ITK: variants seen among roughly 807,000 people sequenced by gnomAD.
ITK encodes the protein IL2 inducible T cell kinase.
A neutral mutation model predicts 87.6 loss-of-function variants in ITK; 45 were observed. That is an observed-to-expected ratio of 0.51 (90% CI 0.40 to 0.66). The LOEUF (loss-of-function observed/expected upper bound fraction) is 0.66. ITK is among the 30% of genes least tolerant of loss of function. The probability of loss-of-function intolerance (pLI) is 0.00; values close to 1 mark genes in which losing one functional copy is unlikely to be tolerated. For missense variants in ITK, 605 were observed against 766.3 expected, an observed-to-expected ratio of 0.79 and a Z score of 2.48; for synonymous variants, 303 against 273.6, an observed-to-expected ratio of 1.11 and a Z score of -1.06.
intron 8 of ITK, among the ~76,000 whole-genome samples, chr5:157,235,773 T>A (rs982371189): frequency 1.3e-5 from 2 of 152,234 alleles, no homozygotes; most frequent in Non-Finnish European, 2.9e-5. Context: ...CTGTTCACAA[T>A]AACTTACCCT....
intron 15 of ITK, 42 bp downstream of exon 15, chr5:157,246,041 T>C: frequency 7.6e-7 from 1 of 1,317,074 alleles, no homozygotes; most frequent in African/African-American, 1.4e-5. Flanking sequence ...GATCTGGGCT[T>C]CAGGCCAGCT....
intron 1 of ITK, 111 bp downstream of exon 1, chr5:157,181,226 C>A: frequency 1.8e-6 from 2 of 1,118,286 alleles, no homozygotes; most frequent in Non-Finnish European, 2.7e-6. Context: ...CACAAACATG[C>A]TTATTGTAAC....
At chr5:157,186,975 C>A (rs1005223411) in intron 1 of ITK, among the ~76,000 whole-genome samples, 6 of 152,216 alleles carry the variant, frequency 3.9e-5, no homozygotes, top group African/African-American at 1.4e-4. Flanking sequence ...ATTGCCCTAA[C>A]GATGGACACC....
chr5:157,188,831 T>C (rs954670805), intron 1 of ITK, among the ~76,000 whole-genome samples: 2 of 152,228 alleles, frequency 1.3e-5, no homozygotes, highest in Non-Finnish European at 2.9e-5. Context: ...CCTTAGTATC[T>C]GCATTTATTT....
At chr5:157,251,507 A>C (rs751609307) in intron 16 of ITK, among the ~76,000 whole-genome samples, 1 of 152,238 alleles carries the variant, frequency 6.6e-6, no homozygotes, top group Non-Finnish European at 1.5e-5. Flanking sequence ...TATTTTAACA[A>C]AGCTCAACAT....
At chr5:157,219,719 C>G (rs1429636723) in intron 5 of ITK, among the ~76,000 whole-genome samples, 1 of 152,204 alleles carries the variant, frequency 6.6e-6, no homozygotes, top group Non-Finnish European at 1.5e-5. Context: ...GACTATTTCA[C>G]CATCCCCTTT....
chr5:157,238,387 G>C (rs2113771221), intron 9 of ITK, among the ~76,000 whole-genome samples, 196 bp downstream of exon 9: 1 of 152,332 alleles, frequency 6.6e-6, no homozygotes. Context: ...AAGTGACAGA[G>C]CTGGGAGTGG....
chr5:157,222,604 A>T, intron 5 of ITK: 1 of 514,754 alleles, frequency 1.9e-6, no homozygotes, highest in South Asian at 2.0e-5. Context: ...AACATAGTGC[A>T]GATAGAGAAA....
chr5:157,189,244 T>C (rs148263806), intron 1 of ITK, among the ~76,000 whole-genome samples: 1 of 152,328 alleles, frequency 6.6e-6, no homozygotes, highest in Non-Finnish European at 1.5e-5. Flanking sequence ...TATTTTCTTT[T>C]CTCACAATAA....
intron 3 of ITK, among the ~76,000 whole-genome samples, chr5:157,212,650 C>A (rs183619061): frequency 8.0e-4 from 122 of 152,246 alleles, no homozygotes; most frequent in African/African-American, 2.7e-3. Flanking sequence ...CATGCCACTG[C>A]ACTTCAGCCT....
intron 3 of ITK, chr5:157,213,721 AC>A (rs1318078745): frequency 2.0e-5 from 7 of 341,928 alleles, no homozygotes; most frequent in South Asian, 1.6e-4. Context: ...TCAGTAGCAG[AC>A]CCCCCTTTTT....
intron 1 of ITK, among the ~76,000 whole-genome samples, chr5:157,197,221 G>A (rs976533035): frequency 6.6e-6 from 1 of 152,194 alleles, no homozygotes; most frequent in Non-Finnish European, 1.5e-5. Context: ...GAGAGAGACT[G>A]TCATGTACTT....
chr5:157,252,612 AG>A lies in ITK; in HGVS notation c.1798del (p.Glu600LysfsTer25). The A allele has an allele frequency of 6.2e-7, 1 of 1,613,800 alleles. No homozygotes were observed. Among genetic ancestry groups the A allele is most frequent in the African/African-American group, 1.3e-5 (1 of 75,064 alleles). ...GTTCTTTTTTCCCTCTCCAGAGACC[AG>A]AAGATCGGCCAGCCTTCTCCAGACT... is the stretch of plus-strand genomic sequence containing the variant. ...IMNHCWKERP[E>X]DRPAFSRLLR... On this transcript the variant is annotated frameshift_variant, in exon 17 of 17. Transcript: ENST00000422843. LOFTEE classifies it high-confidence loss of function.
At chr5:157,236,440 G>A (rs1339078013) in intron 8 of ITK, among the ~76,000 whole-genome samples, 1 of 152,048 alleles carries the variant, frequency 6.6e-6, no homozygotes, top group Non-Finnish European at 1.5e-5. Context: ...ATGGGCCACT[G>A]TCTGTGTGTG....
chr5:157,238,159 C>T lies in ITK; in HGVS notation c.819C>T (p.Tyr273=). 6.2e-7 allele frequency: 1 copy of T among 1,613,870 alleles called. No individual in the cohort carries two copies. The highest frequency in any genetic ancestry group is 1.3e-5 in the African/African-American group (1 of 75,044). Residue 273 remains tyrosine (Y), a synonymous_variant, in exon 9 of 17, where the codon TAC becomes TAT. Coordinates refer to ENST00000422843, the MANE Select transcript of ITK (RefSeq NM_005546.4). ...GGGATTCCAGGACTGCAGGAACATA[C>T]ACCGTGTCTGTTTTCACCAAGGCTG... ...MVRDSRTAGT[Y]TVSVFTKAVV...
intron 9 of ITK, among the ~76,000 whole-genome samples, chr5:157,238,770 T>C (rs1319724352): frequency 1.3e-5 from 2 of 152,192 alleles, no homozygotes; most frequent in Non-Finnish European, 2.9e-5. Context: ...TGCAAGATCC[T>C]TCCTGCTTTT....
rs896153511 is a variant in ITK at position 157,243,872 on chromosome 5, C to T, written c.1232+78C>T. On this transcript the variant is annotated intron_variant, in intron 12 of 16. Coordinates refer to ENST00000422843, the MANE Select transcript of ITK (RefSeq NM_005546.4). The stretch of plus-strand genomic sequence containing the variant: ...GTGTTCTTGAAATGCCATTCAAACG[C>T]CAGGGGGTACTATCTCCCTGCGCAA... 37 of 1,340,502 alleles carry T rather than the reference C, an allele frequency of 2.8e-5. No homozygotes were observed. The East Asian group carries it at 7.6e-4, about 27-fold the overall frequency. The allele number at this position is 1,340,502 out of a possible 1,614,324, so 83.0% of individuals were successfully genotyped here.
At chr5:157,189,586 CAGG>C (rs1753711760) in intron 1 of ITK, among the ~76,000 whole-genome samples, 4 of 152,296 alleles carry the variant, frequency 2.6e-5, no homozygotes, top group South Asian at 4.1e-4. Context: ...AAGGCTGAAG[CAGG>C]AGAATTGCTT....
At chr5:157,242,231 C>G (rs906801729) in intron 11 of ITK, among the ~76,000 whole-genome samples, 3 of 152,152 alleles carry the variant, frequency 2.0e-5, no homozygotes, top group African/African-American at 7.2e-5. Context: ...TTTTCTTGCC[C>G]TACGGAATTG....
Sources: allele counts gnomAD v4.1 joint callset (sites outside exome capture counted in the v4.1 genomes callset), GRCh38; gene constraint gnomAD v4.1.1; transcripts MANE v1.5; gene names NCBI Gene and HGNC (gene_info 2026-07-23, HGNC 2026-07-21).